TRAK1: variants seen among roughly 807,000 people sequenced by gnomAD.
TRAK1 encodes trafficking kinesin protein 1, also known as trafficking kinesin-binding protein 1.
A neutral mutation model predicts 92.1 loss-of-function variants in TRAK1; 33 were observed. The observed-to-expected ratio is 0.36, with a 90% CI of 0.27 to 0.48. The LOEUF (loss-of-function observed/expected upper bound fraction) is 0.48. TRAK1 is among the 20% of genes least tolerant of loss of function. TRAK1 has a pLI of 0.99. For synonymous variants in TRAK1, 521 were observed against 517.3 expected (o/e 1.01, Z -0.10); for missense variants, 1,123 against 1,257.9 (o/e 0.89, Z 1.62).
At chr3:42,174,342 A>G (rs999839250) in intron 2 of TRAK1, among the ~76,000 whole-genome samples, 2 of 152,258 alleles carry the variant, frequency 1.3e-5, no homozygotes, top group Non-Finnish European at 2.9e-5. Context: ...AGCTTAATAC[A>G]CACATGTGCA....
intron 1 of TRAK1, among the ~76,000 whole-genome samples, chr3:42,032,793 C>T (rs1340819520): frequency 1.3e-5 from 2 of 152,126 alleles, no homozygotes; most frequent in Non-Finnish European, 2.9e-5. Flanking sequence ...CATAGCGGTG[C>T]GTGCCTGTCG....
chr3:42,157,457 CAAAAAAAAAAAAAAA>C (rs60622565), intron 2 of TRAK1, among the ~76,000 whole-genome samples: 49 of 31,112 alleles, frequency 1.6e-3, no homozygotes, highest in Non-Finnish European at 1.9e-3. Context: ...GACCCTGTCT[CAAAAAAAAAAAAAAA>C]AAAAAAAAAA....
At chr3:42,207,305 G>A (rs1410352080) in intron 13 of TRAK1, among the ~76,000 whole-genome samples, 4 of 152,194 alleles carry the variant, frequency 2.6e-5, no homozygotes, top group Non-Finnish European at 5.9e-5. Flanking sequence ...ATGGGAGTCC[G>A]CAGGGACAGC....
chr3:42,184,835 C>G, intron 4 of TRAK1, 34 bp downstream of exon 4: 1 of 1,591,046 alleles, frequency 6.3e-7, no homozygotes. Context: ...TCCAGAGGGG[C>G]CCGCCACAGG....
chr3:42,165,695 C>T (rs1701773555), intron 2 of TRAK1, among the ~76,000 whole-genome samples: 1 of 152,122 alleles, frequency 6.6e-6, no homozygotes, highest in Non-Finnish European at 1.5e-5. Context: ...CACAACTTTC[C>T]CGATGGGTCA....
intron 15 of TRAK1, among the ~76,000 whole-genome samples, chr3:42,221,071 CTTTTT>C (rs369421571): frequency 2.3e-5 from 2 of 85,406 alleles, no homozygotes; most frequent in African/African-American, 1.0e-4. Context: ...AGAGAAGGCT[CTTTTT>C]TTTTTTTTTT....
chr3:42,212,656 T>A, intron 14 of TRAK1: 14 of 661,496 alleles, frequency 2.1e-5, no homozygotes, highest in Non-Finnish European at 2.4e-5. Context: ...TTCAGTGATA[T>A]GTTTTATGTT....
chr3:42,058,764 C>G (rs1576204627), intron 1 of TRAK1, among the ~76,000 whole-genome samples: 1 of 152,270 alleles, frequency 6.6e-6, no homozygotes, highest in East Asian at 1.9e-4. Flanking sequence ...GCGCTGAGCT[C>G]CCACCCCCAC....
At chr3:42,199,351 A>G (rs1484014296) in intron 11 of TRAK1, 98 bp downstream of exon 11, 5 of 1,167,718 alleles carry the variant, frequency 4.3e-6, no homozygotes, top group South Asian at 1.3e-5. Flanking sequence ...GGGTACCGAC[A>G]GTGATTGACT....
chr3:42,105,204 T>C (rs1295962894), intron 1 of TRAK1, among the ~76,000 whole-genome samples: 1 of 152,162 alleles, frequency 6.6e-6, no homozygotes, highest in Non-Finnish European at 1.5e-5. Flanking sequence ...TCCACCCGCC[T>C]CGGCCTCCCA....
upstream of TRAK1, among the ~76,000 whole-genome samples, chr3:42,084,252 C>T (rs775325900): frequency 1.3e-5 from 2 of 152,014 alleles, no homozygotes; most frequent in Admixed American, 6.6e-5. Flanking sequence ...TTTATAGACT[C>T]GGTATCTGCA....
chr3:42,136,278 TC>T (rs1440099388), intron 2 of TRAK1, among the ~76,000 whole-genome samples: 1 of 152,194 alleles, frequency 6.6e-6, no homozygotes, highest in East Asian at 1.9e-4. Flanking sequence ...ACCCTGTTCT[TC>T]AGCTCTTGGT....
chr3:42,106,568 G>A lies in TRAK1; in HGVS notation c.91+15008G>A, dbSNP rs138532051. Among the ~76,000 whole-genome samples the A allele has an allele frequency of 1.7e-3, 260 of 152,202 alleles. 3 individuals carry two copies. The South Asian group carries it at 0.023, about 13-fold the overall frequency. ...ACAAAATAGACACTTTATGTGCACT[G>A]GAGTCTTGTGTATAGTGACTCTATC... On this transcript the variant is annotated intron_variant, in intron 1 of 15. Transcript: ENST00000327628.
chr3:42,212,317 A>G lies in TRAK1; in HGVS notation c.1963+2332A>G, dbSNP rs971404682. ...ACCAAACAGCACTATCCCAGGAACT[A>G]TTGTCTGCCTGGGAACACTCAGTAG... On this transcript the variant is annotated intron_variant, in intron 14 of 15. Transcript: ENST00000327628. The G allele has an allele frequency of 2.4e-5, 24 of 985,276 alleles. No individual in the cohort carries two copies. The African/African-American group carries it at 3.5e-4, about 14-fold the overall frequency. 61.0% of individuals were successfully genotyped at this position (985,276 alleles called of 1,614,324 possible). A position where few individuals can be genotyped will look rare whatever the true frequency, so the allele number is the denominator to read the frequency against.
chr3:42,015,016 A>C (rs1701462168), intron 1 of TRAK1, among the ~76,000 whole-genome samples: 1 of 152,162 alleles, frequency 6.6e-6, no homozygotes, highest in Admixed American at 6.5e-5. Context: ...AGCGAAGAGG[A>C]AGGTGCTCAG....
At chr3:42,095,540 A>G (rs538835253) in intron 1 of TRAK1, among the ~76,000 whole-genome samples, 2 of 152,352 alleles carry the variant, frequency 1.3e-5, no homozygotes, top group African/African-American at 2.4e-5. Flanking sequence ...GGGTAAAAAA[A>G]TCATTCCAAG....
intron 1 of TRAK1, among the ~76,000 whole-genome samples, chr3:42,031,678 C>G (rs535626759): frequency 2.0e-5 from 3 of 152,142 alleles, no homozygotes; most frequent in Non-Finnish European, 4.4e-5. Context: ...GATAGTACTT[C>G]CTCAGTATAT....
chr3:42,133,661 A>C (rs73066384), intron 2 of TRAK1, among the ~76,000 whole-genome samples: 24,292 of 152,224 alleles, frequency 0.16, 2,477 homozygotes, highest in Admixed American at 0.24. Flanking sequence ...GCTTATGTAA[A>C]GATAACCAAT....
At chr3:42,094,565 T>G (rs1705619222) in intron 1 of TRAK1, among the ~76,000 whole-genome samples, 1 of 151,922 alleles carries the variant, frequency 6.6e-6, no homozygotes, top group Non-Finnish European at 1.5e-5. Context: ...AGCAGTGGGA[T>G]CTTGCTGTGT....
Sources: gnomAD v4.1 joint callset for allele counts (sites outside exome capture counted in the v4.1 genomes callset) on GRCh38, gnomAD v4.1.1 for gene constraint, MANE v1.5 for transcripts, NCBI Gene and HGNC (gene_info 2026-07-23, HGNC 2026-07-21) for gene names.